Variants in GSN observed in about 807,000 individuals in gnomAD.
GSN encodes gelsolin.
In GSN, 56 loss-of-function variants were observed where a neutral mutation model predicts 85.7. The observed-to-expected ratio is 0.65, with a 90% CI of 0.53 to 0.82. The LOEUF is 0.82. Among genes scored for constraint, GSN ranks in the 40% least tolerant of loss-of-function variants. The pLI, the probability that GSN is intolerant of heterozygous loss-of-function variation, is 0.00. For missense variants in GSN, 857 were observed against 979.8 expected, an observed-to-expected ratio of 0.87 and a Z score of 1.67; for synonymous variants, 373 against 399.1, an observed-to-expected ratio of 0.93 and a Z score of 0.78.
chr9:121,272,400 A>G (rs2056108187), intron 1 of GSN, among the ~76,000 whole-genome samples: 1 of 152,200 alleles, frequency 6.6e-6, no homozygotes, highest in South Asian at 2.1e-4. Context: ...TCTGGGCCCC[A>G]GTGTCCATTC....
chr9:121,324,691 C>G, intron 12 of GSN, 47 bp downstream of exon 12: 1 of 876,144 alleles, frequency 1.1e-6, no homozygotes, highest in Non-Finnish European at 1.9e-6. Flanking sequence ...GAGCCTTGTC[C>G]TTCTCTTCAC....
chr9:121,296,433 C>T (rs972775819), intron 2 of GSN, among the ~76,000 whole-genome samples: 3 of 152,056 alleles, frequency 2.0e-5, no homozygotes, highest in African/African-American at 4.8e-5. Context: ...GTGACCTGGC[C>T]GAATGTACCC....
At chr9:121,255,649 CTT>C (rs566901526) in intron 6 of GSN, among the ~76,000 whole-genome samples, 344 of 152,192 alleles carry the variant, frequency 2.3e-3, no homozygotes, top group African/African-American at 8.0e-3. Context: ...AGGATTTCCA[CTT>C]TCTTTGTTTA....
At chr9:121,264,831 G>A (rs2055164826), upstream of GSN, among the ~76,000 whole-genome samples, 2 of 152,162 alleles carry the variant, frequency 1.3e-5, no homozygotes, top group African/African-American at 2.4e-5. Context: ...CTGTCACTCG[G>A]GCCAGAGTTA....
At chr9:121,331,354 C>G in intron 16 of GSN, 34 bp from the exon 17 acceptor site, 6 of 1,453,036 alleles carry the variant, frequency 4.1e-6, no homozygotes, top group Non-Finnish European at 5.8e-6. Context: ...ATCAGCACTC[C>G]TCATGTACCT....
chr9:121,290,386 T>C (rs1005798619), intron 2 of GSN, among the ~76,000 whole-genome samples: 2 of 152,116 alleles, frequency 1.3e-5, no homozygotes, highest in Non-Finnish European at 2.9e-5. Context: ...TATACCTCTG[T>C]TTGGGTTAAA....
At chr9:121,204,377 ATGCAGGTCCCTAAC>A (rs1403434074), upstream of GSN, among the ~76,000 whole-genome samples, 1 of 152,212 alleles carries the variant, frequency 6.6e-6, no homozygotes, top group Non-Finnish European at 1.5e-5. Context: ...GCCAGCTTAA[ATGCAGGTCCCTAAC>A]TGCTGCTTTC....
chr9:121,264,694 A>G (rs1344057681), upstream of GSN, among the ~76,000 whole-genome samples: 2 of 151,838 alleles, frequency 1.3e-5, no homozygotes, highest in East Asian at 3.9e-4. Flanking sequence ...TATTCTTTCC[A>G]TCCTTTCAAG....
In GSN at chr9:121,302,155, C is replaced by T. The variant is rs754531071; in HGVS notation, c.184C>T (p.His62Tyr). ...LRNGNLQYDL[H>Y]YWLGNECSQD... ...GAACGGAAATCTGCAGTATGACCTC[C>T]ACTACTGGCTGGGTGAGGCTGGCCC... is the stretch of plus-strand genomic sequence containing the variant. The change falls in exon 3 of 18, where the codon CAC becomes TAC. Residue 62 changes from histidine (H) to tyrosine (Y), a missense_variant. Coordinates refer to ENST00000432226, the MANE Select transcript of GSN (RefSeq NM_198252.3). 2.5e-6 allele frequency: 4 copies of T among 1,614,082 alleles called. No individual in the cohort carries two copies. In the South Asian group the frequency reaches 4.4e-5, roughly 18 times the overall value.
chr9:121,247,278 C>G (rs1483112076), intron 5 of GSN, among the ~76,000 whole-genome samples: 1 of 152,124 alleles, frequency 6.6e-6, no homozygotes, highest in Non-Finnish European at 1.5e-5. Context: ...GAAAGAAAGG[C>G]TATATCAGTG....
At chr9:121,297,281 T>C (rs1294170169) in intron 2 of GSN, among the ~76,000 whole-genome samples, 4 of 152,246 alleles carry the variant, frequency 2.6e-5, no homozygotes, top group Non-Finnish European at 4.4e-5. Flanking sequence ...TCGGCTAGTA[T>C]ATTAAGGTAT....
At chr9:121,294,576 C>T (rs1310147522) in intron 2 of GSN, among the ~76,000 whole-genome samples, 2 of 152,188 alleles carry the variant, frequency 1.3e-5, no homozygotes, top group African/African-American at 2.4e-5. Flanking sequence ...GGCTTTGGTC[C>T]CTGAGACAGT....
chr9:121,247,361 C>T (rs556925168), intron 5 of GSN, among the ~76,000 whole-genome samples: 17 of 152,326 alleles, frequency 1.1e-4, no homozygotes, highest in African/African-American at 4.1e-4. Flanking sequence ...CCACATTGTT[C>T]CAATTCTTAC....
At chr9:121,324,336 G>A (rs1170357855) in intron 11 of GSN, among the ~76,000 whole-genome samples, 1 of 152,224 alleles carries the variant, frequency 6.6e-6, no homozygotes, top group East Asian at 1.9e-4. Flanking sequence ...GGAAATCCAT[G>A]CGTTGCACTA....
intron 6 of GSN, among the ~76,000 whole-genome samples, chr9:121,251,416 C>G (rs1438945364): frequency 6.6e-6 from 1 of 151,288 alleles, no homozygotes; most frequent in Non-Finnish European, 1.5e-5. Context: ...AGGCTGGTTT[C>G]GAACTCCTGG....
chr9:121,202,760 C>T, the GSN span, among the ~76,000 whole-genome samples: 2 of 152,266 alleles, frequency 1.3e-5, no homozygotes, highest in South Asian at 4.1e-4. Flanking sequence ...TTGATATAAA[C>T]ATGACGTATC....
At chr9:121,288,629 C>A (rs996749640) in intron 2 of GSN, among the ~76,000 whole-genome samples, 8 of 152,272 alleles carry the variant, frequency 5.3e-5, no homozygotes, top group Admixed American at 5.2e-4. Context: ...TACAGGCTCA[C>A]ATAGATGATA....
At chr9:121,269,895 T>C (rs2055677101) in intron 1 of GSN, among the ~76,000 whole-genome samples, 2 of 152,204 alleles carry the variant, frequency 1.3e-5, no homozygotes, top group African/African-American at 2.4e-5. Flanking sequence ...TCAGCACTTC[T>C]CTGGGCCTGT....
chr9:121,291,510 G>C (rs1017319344), intron 2 of GSN, among the ~76,000 whole-genome samples: 1 of 149,152 alleles, frequency 6.7e-6, no homozygotes, highest in Non-Finnish European at 1.5e-5. Flanking sequence ...CCTCCATCTC[G>C]TGGGTTCAAG....
Sources: allele counts gnomAD v4.1 joint callset (sites outside exome capture counted in the v4.1 genomes callset), GRCh38; gene constraint gnomAD v4.1.1; transcripts MANE v1.5; gene names NCBI Gene and HGNC (gene_info 2026-07-23, HGNC 2026-07-21).